The following F10 variants were observed in gnomAD, a reference collection of about 807,000 sequenced individuals.
The protein encoded by F10 is coagulation factor X.
In F10, 29 loss-of-function variants were observed where a neutral mutation model predicts 37.1. The observed-to-expected ratio is 0.78, with a 90% CI of 0.58 to 1.07. The LOEUF is 1.07. Among genes scored for constraint, F10 ranks in the 50% least tolerant of loss-of-function variants. F10 has a pLI of 0.00. For synonymous variants in F10, 262 were observed against 268.6 expected, an observed-to-expected ratio of 0.98 and a Z score of 0.24; for missense variants, 539 against 667.9, an observed-to-expected ratio of 0.81 and a Z score of 2.13.
Position 113,144,297 on chromosome 13 carries a change from G to A in F10, c.747+202G>A. 1.3e-6 allele frequency: 1 copy of A among 751,448 alleles called. No individual in the cohort carries two copies. The allele number at this position is 751,448 out of a possible 1,614,324, so 46.5% of individuals were successfully genotyped here. A position where few individuals can be genotyped will look rare whatever the true frequency, so the allele number is the denominator to read the frequency against. On this transcript the variant is annotated intron_variant, in intron 6 of 7. Coordinates refer to ENST00000375559, the MANE Select transcript of F10 (RefSeq NM_000504.4). This position sits in a 1 kb window ranked among gnomAD's most constrained non-coding sequence, Gnocchi z 6.4. Reference sequence around the variant, plus strand: ...GAGGCTGTGAGCTCCACAGGGAAGTGGCCGGGGCTGAGGGAGAGGCTGGGC... The same window carrying A: ...GAGGCTGTGAGCTCCACAGGGAAGTAGCCGGGGCTGAGGGAGAGGCTGGGC...
Position 113,143,871 on chromosome 13 carries a change from C to T in F10, c.523C>T (p.Gln175Ter). The T allele has an allele frequency of 6.2e-7, 1 of 1,613,046 alleles. No homozygotes were observed. Among genetic ancestry groups the T allele is most frequent in the South Asian group, 1.1e-5 (1 of 91,086 alleles). ...TTCAGGGCCCTACCCCTGTGGGAAA[C>T]AGACCCTGGAACGCAGGAAGAGGTC... ...IPTGPYPCGK[Q>*]TLERRKRSVA... The change falls in exon 6 of 8, where the codon CAG becomes TAG. Residue 175 changes from glutamine (Q) to a stop codon, truncating the protein, a stop_gained. Transcript: ENST00000375559. LOFTEE classifies it high-confidence loss of function. The surrounding 1 kb of genome is among the most constrained non-coding windows in gnomAD (Gnocchi z 6.8).
intron 1 of F10, among the ~76,000 whole-genome samples, chr13:113,127,281 G>A (rs3211729): frequency 0.012 from 1,867 of 152,292 alleles, 40 homozygotes; most frequent in African/African-American, 0.04. Context: ...TTTTGGACAT[G>A]GAGAGTTTGG....
Position 113,149,176 on chromosome 13 carries a change from A to G in F10, c.1126A>G (p.Arg376Gly). The G allele has an allele frequency of 6.2e-7, 1 of 1,612,894 alleles. No individual in the cohort carries two copies. The highest frequency in any genetic ancestry group is 8.5e-7 in the Non-Finnish European group (1 of 1,179,978). The change falls in exon 8 of 8, where the codon AGG (arginine) becomes GGG (glycine). Residue 376 changes from arginine (R) to glycine (G), a missense_variant. Physicochemically the swap from Arg to Gly is moderately radical, Grantham distance 125. Coordinates refer to ENST00000375559, the MANE Select transcript of F10 (RefSeq NM_000504.4). This position sits in a 1 kb window ranked among gnomAD's most constrained non-coding sequence, Gnocchi z 7.5. ...RTHEKGRQSTRLKMLEVPYVD... is the reference protein window; with the variant it reads ...RTHEKGRQSTGLKMLEVPYVD... Reference sequence around the variant, plus strand: ...CCACGAGAAGGGCCGGCAGTCCACCAGGCTCAAGATGCTGGAGGTGCCCTA... The same window carrying G: ...CCACGAGAAGGGCCGGCAGTCCACCGGGCTCAAGATGCTGGAGGTGCCCTA...
At chr13:113,135,305 A>G (rs775756804) in intron 2 of F10, among the ~76,000 whole-genome samples, 1 of 152,152 alleles carries the variant, frequency 6.6e-6, no homozygotes, top group Admixed American at 6.6e-5. Flanking sequence ...TATTAGTCTC[A>G]GTCTGTTTGT....
rs983854307 is a variant in F10 at position 113,144,493 on chromosome 13, C to A, written c.747+398C>A. ...GGAGACAAGGCTAAAGCCAGGGAGC[C>A]ACCCACACTGCAGGGGCATCAGCGG... On this transcript the variant is annotated intron_variant, in intron 6 of 7. Transcript: ENST00000375559. This position sits in a 1 kb window ranked among gnomAD's most constrained non-coding sequence, Gnocchi z 6.4. Among the ~76,000 whole-genome samples the A allele has an allele frequency of 3.3e-5, 5 of 152,278 alleles. No homozygotes were observed. Among genetic ancestry groups the A allele is most frequent in the African/African-American group, 9.6e-5 (4 of 41,482 alleles).
At chr13:113,140,501 G>A (rs1203353315) in intron 4 of F10, 10 of 475,784 alleles carry the variant, frequency 2.1e-5, no homozygotes, top group Non-Finnish European at 4.3e-6. Flanking sequence ...ACACCATTTG[G>A]TAACTTATGA....
chr13:113,134,222 T>C (rs1009685079), intron 2 of F10, among the ~76,000 whole-genome samples: 1 of 152,194 alleles, frequency 6.6e-6, no homozygotes, highest in African/African-American at 2.4e-5. Flanking sequence ...AAGTTATCAC[T>C]ATTTGAAGAT....
At chr13:113,125,261 G>A (rs1040795355) in intron 1 of F10, among the ~76,000 whole-genome samples, 3 of 152,154 alleles carry the variant, frequency 2.0e-5, no homozygotes, top group Non-Finnish European at 4.4e-5. Context: ...TACTGCTGTT[G>A]TACTGGCAAT....
chr13:113,148,049 G>A (rs1352724153), intron 7 of F10, among the ~76,000 whole-genome samples: 1 of 152,066 alleles, frequency 6.6e-6, no homozygotes, highest in Non-Finnish European at 1.5e-5. Context: ...AAAAAAACAG[G>A]CTGGGTGTGG....
Position 113,146,444 on chromosome 13 carries a change from C to T in F10, c.748-935C>T, listed in dbSNP as rs911783032. On this transcript the variant is annotated intron_variant, in intron 6 of 7. Coordinates refer to ENST00000375559, the MANE Select transcript of F10 (RefSeq NM_000504.4). This position sits in a 1 kb window ranked among gnomAD's most constrained non-coding sequence, Gnocchi z 4.5. Reference sequence around the variant, plus strand: ...TGGGCTGGGGGACCAGGGTGGGGCGCCCTGGAGGGCTCACTGGAGGGGCCC... The same window carrying T: ...TGGGCTGGGGGACCAGGGTGGGGCGTCCTGGAGGGCTCACTGGAGGGGCCC... Among the ~76,000 whole-genome samples the T allele has an allele frequency of 1.3e-5, 2 of 152,126 alleles. No homozygotes were observed. The highest frequency in any genetic ancestry group is 2.9e-5 in the Non-Finnish European group (2 of 68,026).
rs73578960 is a variant in F10 at position 113,123,413 on chromosome 13, G to A, written c.70+488G>A. Among the ~76,000 whole-genome samples the A allele has an allele frequency of 7.9e-3, 1,209 of 152,238 alleles. 15 individuals carry two copies. The highest frequency in any genetic ancestry group is 0.028 in the African/African-American group (1,145 of 41,496). ...CCACCACTCTCGGACTGGCTCCGTC[G>A]GGGAAGGAGCTGCCTAATGCACAGC... On this transcript the variant is annotated intron_variant, in intron 1 of 7. Coordinates refer to ENST00000375559, the MANE Select transcript of F10 (RefSeq NM_000504.4).
At chr13:113,125,694 A>G (rs2036363925) in intron 1 of F10, among the ~76,000 whole-genome samples, 1 of 152,268 alleles carries the variant, frequency 6.6e-6, no homozygotes, top group Non-Finnish European at 1.5e-5. Flanking sequence ...GCCATAACAG[A>G]TAGCAGAAGC....
intron 5 of F10, among the ~76,000 whole-genome samples, chr13:113,142,102 C>T (rs2036533803): frequency 6.6e-6 from 1 of 152,244 alleles, no homozygotes; most frequent in Non-Finnish European, 1.5e-5. Context: ...CCTGAAACAT[C>T]TCAGCAAGTG....
chr13:113,144,049 G>T lies in F10; in HGVS notation c.701G>T (p.Arg234Met). The change falls in exon 6 of 8, where the codon AGG (arginine) becomes ATG (methionine). Residue 234 changes from arginine (R) to methionine (M), a missense_variant. Around this residue, in one of 2 missense-constraint regions of F10, gnomAD observed 409 missense variants for 547.9 expected, o/e 0.75. Coordinates refer to ENST00000375559, the MANE Select transcript of F10 (RefSeq NM_000504.4). This position sits in a 1 kb window ranked among gnomAD's most constrained non-coding sequence, Gnocchi z 6.4. ...QPERGDNNLT[R>M]IVGGQECKDG... ...GAGAGGGGCGACAACAACCTCACCA[G>T]GATCGTGGGAGGCCAGGAATGCAAG... 1 of 1,613,926 alleles carries T rather than the reference G, an allele frequency of 6.2e-7. No homozygotes were observed.
At position 113,136,794 on chromosome 13, in the gene F10, GCGCCCGCCACTACGCCCGGCTAATTTTT is replaced by G. The variant is rs1318860816; in HGVS notation, c.232-1662_232-1635del. On this transcript the variant is annotated intron_variant, in intron 2 of 7. Coordinates refer to ENST00000375559, the MANE Select transcript of F10 (RefSeq NM_000504.4). The stretch of plus-strand genomic sequence containing the variant: ...GCCTCCCAAGTAGCTGGGACTACAG[GCGCCCGCCACTACGCCCGGCTAATTTTT>G]TGTATTTTTAGTAGAGACGGGGTTT... Among the ~76,000 whole-genome samples, 8 of 41,536 alleles carry G rather than the reference GCGCCCGCCACTACGCCCGGCTAATTTTT, an allele frequency of 1.9e-4. 3 individuals carry two copies. The highest frequency in any genetic ancestry group is 2.3e-3 in the South Asian group (2 of 884). The allele number at this position is 41,536 out of a possible 152,430, so 27.2% of individuals were successfully genotyped here.
chr13:113,138,518 G>A (rs750920776), intron 3 of F10, 37 bp downstream of exon 3: 4 of 1,302,562 alleles, frequency 3.1e-6, no homozygotes, highest in Admixed American at 3.5e-5. Flanking sequence ...CAGTGAGAGG[G>A]GTTCATCAGG....
In F10 at chr13:113,141,804, C is replaced by A. The variant is rs531768222; in HGVS notation, c.502+754C>A. Reference sequence around the variant, plus strand: ...TCCCACTCATAGCTGGCCCGACCCGCAGCGTTGGCCTCACCCGGGGGCATA... The same window carrying A: ...TCCCACTCATAGCTGGCCCGACCCGAAGCGTTGGCCTCACCCGGGGGCATA... On this transcript the variant is annotated intron_variant, in intron 5 of 7. Transcript: ENST00000375559. This position sits in a 1 kb window ranked among gnomAD's most constrained non-coding sequence, Gnocchi z 5.4. Among the ~76,000 whole-genome samples the A allele has an allele frequency of 6.8e-4, 104 of 152,324 alleles. No individual in the cohort carries two copies. The highest frequency in any genetic ancestry group is 1.3e-3 in the Non-Finnish European group (90 of 68,032).
chr13:113,123,010 A>G, intron 1 of F10, 85 bp downstream of exon 1: 1 of 1,474,954 alleles, frequency 6.8e-7, no homozygotes, highest in Admixed American at 1.9e-5. Flanking sequence ...TCATCTCTGC[A>G]GCCTGGACGG....
rs755018742 is a variant in F10, at chr13:113,142,374, T to A, written c.502+1324T>A. On this transcript the variant is annotated intron_variant, in intron 5 of 7. Coordinates refer to ENST00000375559, the MANE Select transcript of F10 (RefSeq NM_000504.4). The stretch of plus-strand genomic sequence containing the variant: ...GGCCAACACAGTGAAACCCCGTCTC[T>A]AGTAAAAATACAAAAAAAAAAAAAA... Among the ~76,000 whole-genome samples the A allele has an allele frequency of 6.5e-4, 76 of 117,774 alleles. 1 individual carries two copies. The highest frequency in any genetic ancestry group is 1.2e-3 in the Non-Finnish European group (66 of 55,950). The allele number at this position is 117,774 out of a possible 152,430, so 77.3% of individuals were successfully genotyped here. A position where few individuals can be genotyped will look rare whatever the true frequency, so the allele number is the denominator to read the frequency against.
Sources: allele counts gnomAD v4.1 joint callset (sites outside exome capture counted in the v4.1 genomes callset), GRCh38; gene constraint gnomAD v4.1.1; regional missense constraint gnomAD v4.1.1; non-coding constraint Gnocchi (gnomAD v3.1); transcripts MANE v1.5; gene names NCBI Gene and HGNC (gene_info 2026-07-23, HGNC 2026-07-21).